ADRA1A: variants seen among roughly 807,000 people sequenced by gnomAD.
The protein encoded by ADRA1A is adrenoceptor alpha 1A.
ADRA1A carries 31 observed loss-of-function variants against 29.6 expected under a neutral mutation model. The ratio of observed to expected loss-of-function variants is 1.05; its 90% CI spans 0.79 to 1.41. The LOEUF (loss-of-function observed/expected upper bound fraction) is 1.41. ADRA1A is among the 40% of genes most tolerant of loss of function. ADRA1A has a pLI of 0.00. For missense variants in ADRA1A, 619 were observed against 601.1 expected (o/e 1.03, Z -0.31); for synonymous variants, 311 against 254.3 (o/e 1.22, Z -2.12).
chr8:26,758,656 T>G (rs1256865963), intron 2 of ADRA1A, among the ~76,000 whole-genome samples: 1 of 152,174 alleles, frequency 6.6e-6, no homozygotes, highest in Admixed American at 6.5e-5. Context: ...TGGTTCCCAG[T>G]CCATCATCGG....
Position 26,865,631 on chromosome 8 carries a change from CG to C in ADRA1A, c.-663del. The C allele has an allele frequency of 1.0e-6, 1 of 986,008 alleles. No homozygotes were observed. Among genetic ancestry groups the C allele is most frequent in the Non-Finnish European group, 1.2e-6 (1 of 830,504 alleles). 61.1% of individuals were successfully genotyped at this position (986,008 alleles called of 1,614,324 possible). ...ATATGTGCTGAGACCCAGGAGGCTGCGGGGCATCGTTTGACCGCGTCCACCT... is the reference window on the plus strand; with the variant it reads ...ATATGTGCTGAGACCCAGGAGGCTGCGGGCATCGTTTGACCGCGTCCACCT... On this transcript the variant is annotated 5_prime_UTR_variant, in exon 2 of 3. An upstream open reading frame in the 5' UTR loses its in-frame stop. Coordinates refer to ENST00000380573, the MANE Select transcript of ADRA1A (RefSeq NM_000680.4). This position sits in a 1 kb window ranked among gnomAD's most constrained non-coding sequence, Gnocchi z 7.6.
At chr8:26,811,157 T>C (rs1809353709) in intron 2 of ADRA1A, among the ~76,000 whole-genome samples, 1 of 152,150 alleles carries the variant, frequency 6.6e-6, no homozygotes, top group African/African-American at 2.4e-5. Flanking sequence ...GGCTGGATTC[T>C]GTCCATTTGG....
intron 2 of ADRA1A, among the ~76,000 whole-genome samples, chr8:26,850,028 A>AAAAAAAAC (rs1380338391): frequency 6.1e-5 from 9 of 147,032 alleles, no homozygotes; most frequent in Non-Finnish European, 1.2e-4. Flanking sequence ...AGAAATGCAA[A>AAAAAAAAC]AACAAAAAAC....
chr8:26,826,362 C>A (rs1430179030), intron 2 of ADRA1A, among the ~76,000 whole-genome samples: 1 of 152,206 alleles, frequency 6.6e-6, no homozygotes, highest in Non-Finnish European at 1.5e-5. Context: ...TGACCTGCAT[C>A]CAGAGGGCAA....
intron 2 of ADRA1A, among the ~76,000 whole-genome samples, chr8:26,847,652 T>C (rs564211089): frequency 6.6e-6 from 1 of 152,332 alleles, no homozygotes; most frequent in Admixed American, 6.5e-5. Flanking sequence ...TTTCAAACCC[T>C]TTTTGGGCAA....
chr8:26,754,268 A>T (rs1805051389), downstream of ADRA1A, among the ~76,000 whole-genome samples: 1 of 152,210 alleles, frequency 6.6e-6, no homozygotes, highest in South Asian at 2.1e-4. Flanking sequence ...AAGTATAATG[A>T]TTCACACACA....
intron 2 of ADRA1A, among the ~76,000 whole-genome samples, chr8:26,786,748 G>C (rs114052007): frequency 0.24 from 37,066 of 151,508 alleles, 4,972 homozygotes; most frequent in East Asian, 0.51. Context: ...CTGGGTTGGG[G>C]GGGGGGGTCT....
At chr8:26,810,190 A>C (rs35462196) in intron 2 of ADRA1A, among the ~76,000 whole-genome samples, 4,969 of 152,350 alleles carry the variant, frequency 0.033, 151 homozygotes, top group African/African-American at 0.079. Flanking sequence ...ACAAGTACCA[A>C]AGTAAATTTT....
intron 2 of ADRA1A, among the ~76,000 whole-genome samples, chr8:26,809,436 C>A (rs1424100267): frequency 6.6e-6 from 1 of 152,096 alleles, no homozygotes; most frequent in Non-Finnish European, 1.5e-5. Context: ...CCTGATTTCT[C>A]AGCTCTCATG....
downstream of ADRA1A, among the ~76,000 whole-genome samples, chr8:26,762,257 G>A (rs35615018): frequency 9.2e-5 from 14 of 152,158 alleles, no homozygotes; most frequent in East Asian, 2.0e-4. The surrounding 1 kb of genome is among the most constrained non-coding windows in gnomAD (Gnocchi z 4.0). Context: ...GTGGCTGCAC[G>A]TTGTTTGTAC....
At chr8:26,856,121 T>C (rs1813026203) in intron 2 of ADRA1A, among the ~76,000 whole-genome samples, 1 of 152,246 alleles carries the variant, frequency 6.6e-6, no homozygotes, top group East Asian at 1.9e-4. Flanking sequence ...AGATTTGTCT[T>C]GTGGAAAGAG....
chr8:26,753,085 G>A (rs1402689034), downstream of ADRA1A, among the ~76,000 whole-genome samples: 2 of 152,166 alleles, frequency 1.3e-5, no homozygotes, highest in Non-Finnish European at 2.9e-5. Context: ...CATTGCTGAG[G>A]AGTCCCACTG....
Position 26,864,160 on chromosome 8 carries a change from C to T in ADRA1A, c.810G>A (p.Ala270=), listed in dbSNP as rs1421031095. 9.9e-6 allele frequency: 16 copies of T among 1,614,026 alleles called. No homozygotes were observed. The highest frequency in any genetic ancestry group is 1.7e-5 in the Admixed American group (1 of 60,010). ...CGACCACGATGCCCAGCGTTTTGGC[C>T]GCTTTCTTCTCCCGGGAGAACTTGA... ...RLLKFSREKK[A]AKTLGIVVGC... is the part of the protein sequence containing the mutation. The change falls in exon 2 of 3, where the codon GCG becomes GCA. Residue 270 remains alanine, a synonymous_variant. Coordinates refer to ENST00000380573, the MANE Select transcript of ADRA1A (RefSeq NM_000680.4). This position sits in a 1 kb window ranked among gnomAD's most constrained non-coding sequence, Gnocchi z 8.1.
rs1332281756 is a variant in ADRA1A at position 26,848,837 on chromosome 8, C to T, written c.883+15250G>A. On this transcript the variant is annotated intron_variant, in intron 2 of 2. Transcript: ENST00000380573. The surrounding 1 kb of genome is among the most constrained non-coding windows in gnomAD (Gnocchi z 4.3). ...TGTTACTGTCTCACTGCACAGTTGT[C>T]TTCCTCTAACTGTTGAGAATCAAAG... is the stretch of plus-strand genomic sequence containing the variant. Among the ~76,000 whole-genome samples, 1 of 152,182 alleles carries T rather than the reference C, an allele frequency of 6.6e-6. No homozygotes were observed. The highest frequency in any genetic ancestry group is 1.5e-5 in the Non-Finnish European group (1 of 68,024).
chr8:26,778,950 A>T (rs182965193), intron 2 of ADRA1A: 9,799 of 151,234 alleles, frequency 0.065, 313 homozygotes, highest in Middle Eastern at 0.086. Context: ...TAATAAAAAA[A>T]ATATATATAT....
chr8:26,786,548 CA>C (rs1343557400), intron 2 of ADRA1A, among the ~76,000 whole-genome samples: 3 of 152,046 alleles, frequency 2.0e-5, no homozygotes, highest in Non-Finnish European at 4.4e-5. Context: ...TGGGATTACA[CA>C]ACCTGATCTC....
chr8:26,803,190 C>T (rs1808720939), intron 2 of ADRA1A, among the ~76,000 whole-genome samples: 1 of 151,242 alleles, frequency 6.6e-6, no homozygotes, highest in South Asian at 2.1e-4. Context: ...CTACAGTCAG[C>T]AATAATTTGT....
At chr8:26,781,851 T>C (rs1179099381) in intron 2 of ADRA1A, among the ~76,000 whole-genome samples, 1 of 152,232 alleles carries the variant, frequency 6.6e-6, no homozygotes, top group Non-Finnish European at 1.5e-5. Flanking sequence ...ACTGTGTCCC[T>C]TCATATTCAG....
At chr8:26,760,211 G>A (rs966819959) in intron 2 of ADRA1A, among the ~76,000 whole-genome samples, 67 of 152,302 alleles carry the variant, frequency 4.4e-4, no homozygotes, top group African/African-American at 1.5e-3. Flanking sequence ...GGCAATACAA[G>A]GGTCTTGGGT....
Sources: gnomAD v4.1 joint callset for allele counts (sites outside exome capture counted in the v4.1 genomes callset) on GRCh38, gnomAD v4.1.1 for gene constraint, Gnocchi (gnomAD v3.1) non-coding constraint, MANE v1.5 for transcripts, NCBI Gene and HGNC (gene_info 2026-07-23, HGNC 2026-07-21) for gene names.